Variants in PRKG1 observed in about 807,000 individuals in gnomAD.
The protein encoded by PRKG1 is cGMP-dependent protein kinase 1.
PRKG1 carries 35 observed loss-of-function variants against 88.1 expected under a neutral mutation model. That is an observed-to-expected ratio of 0.40 (90% CI 0.30 to 0.53). The LOEUF (loss-of-function observed/expected upper bound fraction) is 0.53, where lower values mean the gene tolerates loss of function less well. Ranked by LOEUF, PRKG1 falls within the 20% of genes least tolerant of loss-of-function variation. The pLI is 0.59. For missense variants in PRKG1, 540 were observed against 839.8 expected, an observed-to-expected ratio of 0.64 and a Z score of 4.41; for synonymous variants, 303 against 292.5, an observed-to-expected ratio of 1.04 and a Z score of -0.37.
In PRKG1 at chr10:51,730,927, G is replaced by A. The variant is rs183242692; in HGVS notation, c.593-73658G>A. ...TCCCAGCACTTTGGGAGGCCGAGGC[G>A]GGTGGATCACCTGAGGTCAGGAGTT... On this transcript the variant is annotated intron_variant, in intron 3 of 17. Coordinates refer to ENST00000373980, the MANE Select transcript of PRKG1 (RefSeq NM_006258.4). Among the ~76,000 whole-genome samples, 1,429 of 152,238 alleles carry A rather than the reference G, an allele frequency of 9.4e-3. 19 individuals carry two copies. The highest frequency in any genetic ancestry group is 0.031 in the Middle Eastern group (9 of 294).
At chr10:51,262,193 T>C (rs1321015054) in intron 2 of PRKG1, among the ~76,000 whole-genome samples, 2 of 152,152 alleles carry the variant, frequency 1.3e-5, no homozygotes, top group Non-Finnish European at 1.5e-5. Flanking sequence ...GCCAGGACTT[T>C]CTAATTTTTT....
At chr10:51,738,006 C>T (rs1372968249) in intron 3 of PRKG1, among the ~76,000 whole-genome samples, 5 of 151,904 alleles carry the variant, frequency 3.3e-5, no homozygotes, top group African/African-American at 1.2e-4. Flanking sequence ...TCTCGAACTC[C>T]TGACGCCCAC....
chr10:51,075,741 T>C (rs1255367475), intron 1 of PRKG1, among the ~76,000 whole-genome samples: 2 of 152,208 alleles, frequency 1.3e-5, no homozygotes, highest in Non-Finnish European at 2.9e-5. Flanking sequence ...GGCATTGTTC[T>C]AGCCTTTTAG....
intron 3 of PRKG1, among the ~76,000 whole-genome samples, chr10:51,734,174 C>G (rs1209060099): frequency 6.6e-6 from 1 of 152,010 alleles, no homozygotes; most frequent in East Asian, 1.9e-4. Context: ...GATAAATTGT[C>G]AACATTCATT....
intron 2 of PRKG1, among the ~76,000 whole-genome samples, chr10:51,396,389 G>C (rs1301869897): frequency 6.7e-6 from 1 of 150,300 alleles, no homozygotes; most frequent in Non-Finnish European, 1.5e-5. Context: ...GTAAAAAACT[G>C]TCACTGAAAA....
intron 5 of PRKG1, among the ~76,000 whole-genome samples, chr10:52,004,694 G>A (rs189389868): frequency 6.6e-6 from 1 of 152,274 alleles, no homozygotes; most frequent in Non-Finnish European, 1.5e-5. Flanking sequence ...TGGTAGGGGG[G>A]AAACGTTCAT....
At chr10:51,508,800 T>C (rs191995009) in intron 3 of PRKG1, among the ~76,000 whole-genome samples, 1 of 152,274 alleles carries the variant, frequency 6.6e-6, no homozygotes, top group Non-Finnish European at 1.5e-5. Context: ...CTGACCAAAT[T>C]AGAAGGCATT....
chr10:51,609,909 G>A (rs1041531433), intron 3 of PRKG1, among the ~76,000 whole-genome samples: 28 of 152,016 alleles, frequency 1.8e-4, no homozygotes, highest in Non-Finnish European at 3.7e-4. Flanking sequence ...CCTAGGCGAT[G>A]GGTTGATAGG....
chr10:51,581,469 T>C (rs1450926491), intron 3 of PRKG1, among the ~76,000 whole-genome samples: 6 of 152,122 alleles, frequency 3.9e-5, no homozygotes, highest in Non-Finnish European at 8.8e-5. Flanking sequence ...CTTATCCATA[T>C]GGACAGGTGC....
chr10:51,415,238 T>C (rs1400929042), intron 2 of PRKG1, among the ~76,000 whole-genome samples: 1 of 152,216 alleles, frequency 6.6e-6, no homozygotes, highest in East Asian at 1.9e-4. Flanking sequence ...GAGAACTTTG[T>C]GTATCAAATT....
intron 3 of PRKG1, among the ~76,000 whole-genome samples, chr10:51,702,194 A>G (rs949838): frequency 0.033 from 5,009 of 152,296 alleles, 257 homozygotes; most frequent in African/African-American, 0.11. Flanking sequence ...GGGACAAACA[A>G]GAAGGGGGAA....
chr10:51,363,913 A>G (rs1842538069), intron 2 of PRKG1, among the ~76,000 whole-genome samples: 1 of 151,998 alleles, frequency 6.6e-6, no homozygotes, highest in African/African-American at 2.4e-5. Flanking sequence ...CTAAATAATA[A>G]TCAAAATAAG....
intron 2 of PRKG1, among the ~76,000 whole-genome samples, chr10:51,243,342 T>A (rs1385714376): frequency 6.6e-6 from 1 of 152,166 alleles, no homozygotes; most frequent in Non-Finnish European, 1.5e-5. Flanking sequence ...ACCACTGGCC[T>A]AATGGGAAAA....
At chr10:52,033,956 G>T (rs1845536820) in intron 5 of PRKG1, among the ~76,000 whole-genome samples, 1 of 132,432 alleles carries the variant, frequency 7.6e-6, no homozygotes. Context: ...GCAGCAGTGG[G>T]GGTCGCAAGG....
At chr10:52,184,807 G>A (rs1217206256) in intron 9 of PRKG1, 2 of 152,112 alleles carry the variant, frequency 1.3e-5, no homozygotes, top group East Asian at 3.9e-4. Context: ...AAACAAGAGA[G>A]GGTGGGAGAG....
chr10:51,346,320 T>C (rs1842113003), intron 2 of PRKG1, among the ~76,000 whole-genome samples: 1 of 152,226 alleles, frequency 6.6e-6, no homozygotes, highest in East Asian at 1.9e-4. Flanking sequence ...GATTTGCGGC[T>C]GGGTTTTATT....
chr10:51,652,187 A>G (rs1230201435), intron 3 of PRKG1, among the ~76,000 whole-genome samples: 1 of 152,152 alleles, frequency 6.6e-6, no homozygotes, highest in African/African-American at 2.4e-5. Flanking sequence ...AAACTATTAT[A>G]TATATTATAC....
chr10:52,292,759 C>T (rs886903000), intron 17 of PRKG1, among the ~76,000 whole-genome samples: 3 of 151,828 alleles, frequency 2.0e-5, no homozygotes, highest in Non-Finnish European at 2.9e-5. Flanking sequence ...TGGGACATAT[C>T]TCAAAATAAT....
intron 2 of PRKG1, among the ~76,000 whole-genome samples, chr10:51,297,584 G>GAAAGCA (rs1356998195): frequency 1.2e-4 from 19 of 152,082 alleles, no homozygotes; most frequent in African/African-American, 4.6e-4. Context: ...TAGCTGGGGA[G>GAAAGCA]AAAGCAAAAG....
Sources: allele counts gnomAD v4.1 joint callset (sites outside exome capture counted in the v4.1 genomes callset), GRCh38; gene constraint gnomAD v4.1.1; transcripts MANE v1.5; gene names NCBI Gene and HGNC (gene_info 2026-07-23, HGNC 2026-07-21).